HIVEP2: variants seen among roughly 807,000 people sequenced by gnomAD.
HIVEP2 encodes HIVEP zinc finger 2.
HIVEP2 carries 14 observed loss-of-function variants against 180.7 expected under a neutral mutation model. That is an observed-to-expected ratio of 0.08 (90% CI 0.05 to 0.12). HIVEP2 has a LOEUF of 0.12. HIVEP2 is among the 10% of genes least tolerant of loss of function. HIVEP2 has a pLI of 1.00. For missense variants in HIVEP2, 2,579 were observed against 3,008.5 expected (o/e 0.86, Z 3.34); for synonymous variants, 1,184 against 1,136.4 (o/e 1.04, Z -0.84).
intron 3 of HIVEP2, among the ~76,000 whole-genome samples, chr6:142,778,505 G>A (rs1775761888): frequency 6.6e-6 from 1 of 152,026 alleles, no homozygotes; most frequent in South Asian, 2.1e-4. Flanking sequence ...TAATTTCTAA[G>A]TTATTTTTCA....
chr6:142,757,937 T>C (rs1775119898), intron 9 of HIVEP2, among the ~76,000 whole-genome samples: 1 of 152,212 alleles, frequency 6.6e-6, no homozygotes, highest in African/African-American at 2.4e-5. Context: ...TGACTGAACA[T>C]GCACCACTGT....
chr6:142,920,570 G>T (rs375774078), intron 1 of HIVEP2, among the ~76,000 whole-genome samples: 4 of 151,900 alleles, frequency 2.6e-5, no homozygotes, highest in Non-Finnish European at 4.4e-5. Context: ...TAGAAACTGG[G>T]TTATCACATA....
At position 142,769,838 on chromosome 6, in the gene HIVEP2, T is replaced by C. The variant is rs1363871792; in HGVS notation, c.4901A>G (p.Gln1634Arg). ...LLLTDMADFQ[Q>R]ILQFPSLRTT... The stretch of plus-strand genomic sequence containing the variant: ...CCGCAGACTGGGGAACTGAAGAATC[T>C]GCTGGAAATCTGCCATGTCCGTGAG... Residue 1634 changes from glutamine (Q) to arginine (R), a missense_variant, in exon 5 of 10, where the codon CAG (glutamine) becomes CGG (arginine). This residue lies in a region of HIVEP2 where 349 missense variants were observed against 367.2 expected (regional missense o/e 0.95). Transcript: ENST00000367603. 2 of 1,614,084 alleles carry C rather than the reference T, an allele frequency of 1.2e-6. No individual in the cohort carries two copies. The highest frequency in any genetic ancestry group is 1.7e-6 in the Non-Finnish European group (2 of 1,180,052).
chr6:142,797,480 C>T (rs559763620), intron 2 of HIVEP2, among the ~76,000 whole-genome samples: 23 of 152,234 alleles, frequency 1.5e-4, no homozygotes, highest in African/African-American at 5.3e-4. Context: ...GACAATATCA[C>T]CCAAAACTGT....
intron 2 of HIVEP2, among the ~76,000 whole-genome samples, chr6:142,810,751 G>A (rs1776673709): frequency 9.1e-6 from 1 of 110,136 alleles, no homozygotes; most frequent in Non-Finnish European, 1.8e-5. Flanking sequence ...AACAGAGTAA[G>A]ACTCTGTCTC....
chr6:142,873,040 C>G (rs1270905591), intron 1 of HIVEP2, among the ~76,000 whole-genome samples: 5 of 152,214 alleles, frequency 3.3e-5, no homozygotes, highest in African/African-American at 1.2e-4. Context: ...ATTCCCCTCA[C>G]AAGAAGAATC....
intron 1 of HIVEP2, among the ~76,000 whole-genome samples, chr6:142,841,515 A>G (rs1294531108): frequency 1.3e-5 from 2 of 150,598 alleles, no homozygotes; most frequent in Non-Finnish European, 3.0e-5. Context: ...GCTAGAAACT[A>G]CTCTTCATTT....
intron 3 of HIVEP2, among the ~76,000 whole-genome samples, chr6:142,780,367 T>C (rs538389421): frequency 6.6e-6 from 1 of 152,358 alleles, no homozygotes; most frequent in Admixed American, 6.5e-5. Flanking sequence ...GAAAGGCTTA[T>C]TAGGGAACTA....
chr6:142,773,072 A>G lies in HIVEP2; in HGVS notation c.1667T>C (p.Ile556Thr), dbSNP rs747178242. The stretch of plus-strand genomic sequence containing the variant: ...GTGACTTCCTCTCAAAGAAGGAGGA[A>G]TAGTTAGATTAGTTGCTGAAGAAGT... The part of the protein sequence containing the change: ...VPTSSATNLT[I>T]PPSLRGSHSF... The change falls in exon 5 of 10, where the codon ATT becomes ACT. Residue 556 changes from isoleucine (I) to threonine (T), a missense_variant. Coordinates refer to ENST00000367603, the MANE Select transcript of HIVEP2 (RefSeq NM_006734.4). 1.9e-6 allele frequency: 3 copies of G among 1,614,108 alleles called. No homozygotes were observed. The highest frequency in any genetic ancestry group is 2.5e-6 in the Non-Finnish European group (3 of 1,180,040).
intron 1 of HIVEP2, among the ~76,000 whole-genome samples, chr6:142,942,956 T>C (rs767799479): frequency 2.6e-5 from 4 of 152,344 alleles, no homozygotes; most frequent in Non-Finnish European, 2.9e-5. Context: ...CATTTCTGTA[T>C]ATAAGAAATA....
Position 142,771,385 on chromosome 6 carries a change from C to A in HIVEP2, c.3354G>T (p.Gly1118=), listed in dbSNP as rs1163980176. ...GCACAGCAGGCGGGCCATGGTGCCACCCGGACCGGAGGCCAGCATGCAGGT... is the reference window on the plus strand; with the variant it reads ...GCACAGCAGGCGGGCCATGGTGCCAACCGGACCGGAGGCCAGCATGCAGGT... The part of the protein sequence containing the change: ...LEHLHAGLRS[G]WHHGPPAVLP... The change falls in exon 5 of 10, where the codon GGG becomes GGT. Residue 1118 remains glycine (G), a synonymous_variant. Coordinates refer to ENST00000367603, the MANE Select transcript of HIVEP2 (RefSeq NM_006734.4). This position sits in a 1 kb window ranked among gnomAD's most constrained non-coding sequence, Gnocchi z 5.4. 2 of 1,612,924 alleles carry A rather than the reference C, an allele frequency of 1.2e-6. No homozygotes were observed. The highest frequency in any genetic ancestry group is 1.7e-6 in the Non-Finnish European group (2 of 1,179,966).
intron 1 of HIVEP2, among the ~76,000 whole-genome samples, chr6:142,873,072 T>C (rs1776334399): frequency 6.6e-6 from 1 of 152,156 alleles, no homozygotes; most frequent in Non-Finnish European, 1.5e-5. Flanking sequence ...TTCTAAAGCA[T>C]TACACAGCAA....
chr6:142,859,915 T>C (rs111828792), intron 1 of HIVEP2, among the ~76,000 whole-genome samples: 23 of 151,322 alleles, frequency 1.5e-4, no homozygotes, highest in African/African-American at 5.6e-4. Context: ...TGTTTATCAC[T>C]GTACTGCTAT....
In HIVEP2 at chr6:142,769,541, G is replaced by C. The variant is rs776314059; in HGVS notation, c.5187+11C>G. On this transcript the variant is annotated intron_variant, in intron 5 of 9. Transcript: ENST00000367603. The stretch of plus-strand genomic sequence containing the variant: ...ACAATACAAAGTTCTTCCTAAAACA[G>C]TATTTGTTACCTGAGTAAACTGCTT... The C allele has an allele frequency of 3.5e-5, 57 of 1,610,990 alleles. No individual in the cohort carries two copies. The Middle Eastern group carries it at 5.1e-3, about 145-fold the overall frequency.
rs1213888924 is a variant in HIVEP2 at position 142,773,646 on chromosome 6, C to T, written c.1093G>A (p.Val365Ile). The T allele has an allele frequency of 1.9e-6, 3 of 1,614,162 alleles. No homozygotes were observed. The South Asian group carries it at 3.3e-5, about 18-fold the overall frequency. The stretch of plus-strand genomic sequence containing the variant: ...AGTCTTAGTGCAAGTTTCTGTTTGA[C>T]TGTGTGCGAATCATCAGCCTTAGTA... ...LNTKADDSHT[V>I]KQKLALRLSE... is the part of the protein sequence containing the mutation. Residue 365 changes from valine to isoleucine, a missense_variant, in exon 5 of 10, where the codon GTC becomes ATC. Physicochemically the swap from Val to Ile is conservative, Grantham distance 29. Transcript: ENST00000367603.
intron 1 of HIVEP2, among the ~76,000 whole-genome samples, chr6:142,901,220 T>G (rs1777125519): frequency 6.6e-6 from 1 of 152,230 alleles, no homozygotes; most frequent in African/African-American, 2.4e-5. Flanking sequence ...AGAAAATTTG[T>G]GACCTTATCA....
intron 1 of HIVEP2, among the ~76,000 whole-genome samples, chr6:142,856,757 C>T (rs1203783884): frequency 1.4e-4 from 22 of 152,180 alleles, no homozygotes. Flanking sequence ...AAGTCTAATG[C>T]CCCTTTTTAT....
intron 2 of HIVEP2, among the ~76,000 whole-genome samples, chr6:142,789,558 C>T (rs1406791717): frequency 1.3e-5 from 2 of 152,196 alleles, no homozygotes; most frequent in East Asian, 3.8e-4. Context: ...TGAATTTAAT[C>T]TATCAGGCAA....
intron 1 of HIVEP2, among the ~76,000 whole-genome samples, chr6:142,891,771 C>T (rs576341243): frequency 4.6e-4 from 70 of 152,340 alleles, no homozygotes; most frequent in African/African-American, 1.6e-3. Flanking sequence ...TCGGCAACAT[C>T]GCTGAGACAC....
Sources: allele counts gnomAD v4.1 joint callset (sites outside exome capture counted in the v4.1 genomes callset), GRCh38; gene constraint gnomAD v4.1.1; regional missense constraint gnomAD v4.1.1; non-coding constraint Gnocchi (gnomAD v3.1); transcripts MANE v1.5; gene names NCBI Gene and HGNC (gene_info 2026-07-23, HGNC 2026-07-21).